The following PARD3 variants were observed in gnomAD, a reference collection of about 807,000 sequenced individuals.
The protein encoded by PARD3 is partitioning defective 3 homolog.
PARD3 carries 75 observed loss-of-function variants against 155.4 expected under a neutral mutation model. That is an observed-to-expected ratio of 0.48 (90% CI 0.40 to 0.58). The LOEUF is 0.58. Among genes scored for constraint, PARD3 ranks in the 20% least tolerant of loss-of-function variants. PARD3 has a pLI of 0.00. For missense variants in PARD3, 1,642 were observed against 1,721.7 expected (o/e 0.95, Z 0.82); for synonymous variants, 576 against 610.5 (o/e 0.94, Z 0.83).
intron 5 of PARD3, among the ~76,000 whole-genome samples, chr10:34,408,156 T>C (rs1448682693): frequency 6.6e-6 from 1 of 152,092 alleles, no homozygotes; most frequent in East Asian, 1.9e-4. Context: ...AAACTTAAAG[T>C]TATACTTCTC....
At chr10:34,512,353 T>C (rs1470640698) in intron 3 of PARD3, among the ~76,000 whole-genome samples, 1 of 152,224 alleles carries the variant, frequency 6.6e-6, no homozygotes, top group Non-Finnish European at 1.5e-5. Flanking sequence ...TATACACTCA[T>C]GCATGTATTG....
chr10:34,597,524 G>A (rs942046937), intron 2 of PARD3, among the ~76,000 whole-genome samples: 13 of 152,114 alleles, frequency 8.5e-5, no homozygotes, highest in African/African-American at 3.1e-4. Flanking sequence ...CAACTCCTGG[G>A]CTCAAGTGAT....
intron 22 of PARD3, among the ~76,000 whole-genome samples, chr10:34,218,713 T>G (rs1313844866): frequency 1.4e-5 from 2 of 144,560 alleles, no homozygotes; most frequent in African/African-American, 5.2e-5. Flanking sequence ...CAGCCATGAG[T>G]GGAAAGATGG....
intron 2 of PARD3, among the ~76,000 whole-genome samples, chr10:34,556,889 G>A (rs528679500): frequency 6.6e-6 from 1 of 152,140 alleles, no homozygotes; most frequent in East Asian, 1.9e-4. Context: ...CACAGATTTT[G>A]TATTGTCATA....
At chr10:34,751,727 T>C (rs11813991) in intron 1 of PARD3, among the ~76,000 whole-genome samples, 54,410 of 150,794 alleles carry the variant, frequency 0.36, 10,828 homozygotes, top group Non-Finnish European at 0.45. Flanking sequence ...CTTCAGCCCC[T>C]CAAGTAGCTG....
chr10:34,519,310 T>A (rs1429141436), intron 2 of PARD3, among the ~76,000 whole-genome samples: 1 of 152,186 alleles, frequency 6.6e-6, no homozygotes. Context: ...AATTGTTCTA[T>A]GATTATGTAA....
At chr10:34,803,627 C>A (rs906488393) in intron 1 of PARD3, among the ~76,000 whole-genome samples, 2 of 145,394 alleles carry the variant, frequency 1.4e-5, no homozygotes, top group African/African-American at 5.1e-5. Flanking sequence ...CATGGTGAAA[C>A]CCCATCTCTA....
chr10:34,760,733 T>C (rs189996879), intron 1 of PARD3, among the ~76,000 whole-genome samples: 25 of 152,294 alleles, frequency 1.6e-4, no homozygotes, highest in Admixed American at 1.2e-3. Flanking sequence ...TGGCTCTCTC[T>C]CAGATTAGGA....
At chr10:34,233,685 C>T (rs1013564026) in intron 22 of PARD3, among the ~76,000 whole-genome samples, 4 of 152,060 alleles carry the variant, frequency 2.6e-5, no homozygotes, top group African/African-American at 9.7e-5. Flanking sequence ...TTATTTCCTA[C>T]CCAATAAGCA....
At chr10:34,490,390 CAGAGAG>C (rs57588434) in intron 3 of PARD3, among the ~76,000 whole-genome samples, 58 of 149,738 alleles carry the variant, frequency 3.9e-4, no homozygotes, top group African/African-American at 1.0e-3. Context: ...GGGCACATTA[CAGAGAG>C]AGAGAGAGAG....
At chr10:34,738,031 G>A (rs1229404789) in intron 1 of PARD3, among the ~76,000 whole-genome samples, 1 of 152,194 alleles carries the variant, frequency 6.6e-6, no homozygotes, top group Non-Finnish European at 1.5e-5. Flanking sequence ...ACTCTGGACT[G>A]CCTCATACAG....
chr10:34,767,093 G>A (rs1451363172), intron 1 of PARD3, among the ~76,000 whole-genome samples: 2 of 152,088 alleles, frequency 1.3e-5, no homozygotes, highest in African/African-American at 4.8e-5. Context: ...GGAGACAGAG[G>A]CTACAGAAAC....
chr10:34,396,800 T>C (rs1043445159), intron 7 of PARD3, among the ~76,000 whole-genome samples: 7 of 152,130 alleles, frequency 4.6e-5, no homozygotes, highest in Non-Finnish European at 7.4e-5. Context: ...ACTTAATTTC[T>C]TCCTTCCTGC....
At chr10:34,748,876 GCA>G (rs1427301665) in intron 1 of PARD3, among the ~76,000 whole-genome samples, 2 of 152,162 alleles carry the variant, frequency 1.3e-5, no homozygotes, top group African/African-American at 4.8e-5. Context: ...GGCTACCACT[GCA>G]CTAATCACTA....
At chr10:34,294,856 A>G (rs1956834026) in intron 20 of PARD3, among the ~76,000 whole-genome samples, 1 of 152,176 alleles carries the variant, frequency 6.6e-6, no homozygotes, top group South Asian at 2.1e-4. Flanking sequence ...TAGAGGTCAC[A>G]TATTTGCTTA....
chr10:34,647,527 C>CA (rs1465943574), intron 2 of PARD3, among the ~76,000 whole-genome samples: 7 of 152,164 alleles, frequency 4.6e-5, no homozygotes, highest in African/African-American at 1.2e-4. Flanking sequence ...ACAGAAAATA[C>CA]AAAAAATCTG....
At chr10:34,268,076 G>T (rs886374388) in intron 22 of PARD3, among the ~76,000 whole-genome samples, 1 of 152,108 alleles carries the variant, frequency 6.6e-6, no homozygotes, top group African/African-American at 2.4e-5. Context: ...GATATAAAAA[G>T]AAATGATTAT....
At chr10:34,528,522 T>C (rs140697421) in intron 2 of PARD3, among the ~76,000 whole-genome samples, 1 of 152,106 alleles carries the variant, frequency 6.6e-6, no homozygotes, top group East Asian at 1.9e-4. Context: ...GGCTCAGTAG[T>C]GATAGGTTTT....
At chr10:34,698,546 T>C (rs1055242978) in intron 1 of PARD3, among the ~76,000 whole-genome samples, 1 of 152,150 alleles carries the variant, frequency 6.6e-6, no homozygotes, top group Non-Finnish European at 1.5e-5. Flanking sequence ...TCCAGCCCAC[T>C]GTTTTCTTTT....
Sources: gnomAD v4.1 joint callset for allele counts (sites outside exome capture counted in the v4.1 genomes callset) on GRCh38, gnomAD v4.1.1 for gene constraint, MANE v1.5 for transcripts, NCBI Gene and HGNC (gene_info 2026-07-23, HGNC 2026-07-21) for gene names.